DCDC1: variants seen among roughly 807,000 people sequenced by gnomAD.
The protein encoded by DCDC1 is doublecortin domain containing 1.
DCDC1 carries 200 observed loss-of-function variants against 178.3 expected under a neutral mutation model. The observed-to-expected ratio is 1.12, with a 90% CI of 1.00 to 1.26. DCDC1 has a LOEUF of 1.26. Ranked by LOEUF, DCDC1 falls within the 50% of genes most tolerant of loss-of-function variation. The probability of loss-of-function intolerance (pLI) is 0.00; values close to 1 mark genes in which losing one functional copy is unlikely to be tolerated. For synonymous variants in DCDC1, 690 were observed against 604.8 expected, an observed-to-expected ratio of 1.14 and a Z score of -2.07; for missense variants, 1,983 against 1,749.2, an observed-to-expected ratio of 1.13 and a Z score of -2.38.
chr11:30,878,716 TAA>T lies in DCDC1; in HGVS notation c.5234-7_5234-6del, dbSNP rs5790842. ...TCTCCATCAGTTGTTTTAACTCTGTTAAAAAAAAAAAAAAAAGAAGTTGAGAG... is the reference window on the plus strand; with the variant it reads ...TCTCCATCAGTTGTTTTAACTCTGTTAAAAAAAAAAAAAAGAAGTTGAGAG... On this transcript the variant is annotated splice_region_variant and splice_polypyrimidine_tract_variant and intron_variant, in intron 37 of 38. Transcript: ENST00000684477. 0.11 allele frequency: 151,231 copies of T among 1,325,020 alleles called. 74 individuals are homozygous for T. Among genetic ancestry groups the T allele is most frequent in the South Asian group, 0.14 (9,450 of 67,740 alleles). 82.1% of individuals were successfully genotyped at this position (1,325,020 alleles called of 1,614,324 possible).
intron 20 of DCDC1, among the ~76,000 whole-genome samples, chr11:31,028,462 TC>T (rs1460960025): frequency 6.6e-6 from 1 of 151,998 alleles, no homozygotes; most frequent in Non-Finnish European, 1.5e-5. Flanking sequence ...TGATGCCCTG[TC>T]CATCTTTTTT....
At chr11:31,160,286 T>A (rs1966185112) in intron 9 of DCDC1, among the ~76,000 whole-genome samples, 1 of 152,322 alleles carries the variant, frequency 6.6e-6, no homozygotes, top group East Asian at 1.9e-4. Flanking sequence ...ATGATACTCA[T>A]CACACATTCG....
chr11:31,137,742 T>C lies in DCDC1; in HGVS notation c.1264A>G (p.Lys422Glu). The change falls in exon 10 of 39, where the codon AAA (lysine) becomes GAA (glutamate). Residue 422 changes from lysine (K) to glutamate (E), a missense_variant. By Grantham distance (56) the Lys-to-Glu change is moderately conservative. Transcript: ENST00000684477. Reference protein sequence around the residue: ...MNEQKEKITEKVILSMTAKEH... With the variant: ...MNEQKEKITEEVILSMTAKEH... ...TTTGCCGTCATTGAAAGAATGACTTTTTCTGTAATTTTCTCCTTCTGTTCA... is the reference window on the plus strand; with the variant it reads ...TTTGCCGTCATTGAAAGAATGACTTCTTCTGTAATTTTCTCCTTCTGTTCA... 1.4e-6 allele frequency: 1 copy of C among 702,908 alleles called. No homozygotes were observed. Among genetic ancestry groups the C allele is most frequent in the South Asian group, 1.5e-5 (1 of 67,574 alleles). 43.5% of individuals were successfully genotyped at this position (702,908 alleles called of 1,614,324 possible).
At chr11:31,094,378 C>A (rs1485449264) in intron 15 of DCDC1, among the ~76,000 whole-genome samples, 194 bp from the exon 16 acceptor site, 1 of 152,122 alleles carries the variant, frequency 6.6e-6, no homozygotes, top group South Asian at 2.1e-4. Flanking sequence ...ATGCAAGACC[C>A]TATGCTGTGT....
chr11:31,055,461 A>G lies in DCDC1; in HGVS notation c.2591+9008T>C, dbSNP rs149986486. 9.5e-4 allele frequency among the ~76,000 whole-genome samples: 144 copies of G among 152,314 alleles called. 2 individuals are homozygous for G. The East Asian group carries it at 0.027, about 29-fold the overall frequency. On this transcript the variant is annotated intron_variant, in intron 20 of 38. Coordinates refer to ENST00000684477, the MANE Select transcript of DCDC1 (RefSeq NM_001387274.1). ...CAGTGTGGAGATTCCTTAAGAACTAAAAGTAGAACTACCATTTGATCCAGC... is the reference window on the plus strand; with the variant it reads ...CAGTGTGGAGATTCCTTAAGAACTAGAAGTAGAACTACCATTTGATCCAGC...
intron 7 of DCDC1, among the ~76,000 whole-genome samples, chr11:31,272,231 C>T (rs902201732): frequency 4.6e-5 from 7 of 151,788 alleles, no homozygotes; most frequent in Non-Finnish European, 8.8e-5. Context: ...CGGGAAAGAC[C>T]TGCCACCATG....
At chr11:31,101,784 A>AG (rs1347499214) in intron 15 of DCDC1, among the ~76,000 whole-genome samples, 2 of 151,780 alleles carry the variant, frequency 1.3e-5, no homozygotes, top group African/African-American at 4.8e-5. Flanking sequence ...TAGTTTAAAA[A>AG]AACTGTCACA....
At chr11:31,003,101 T>C (rs980952535) in intron 20 of DCDC1, among the ~76,000 whole-genome samples, 9 of 151,038 alleles carry the variant, frequency 6.0e-5, no homozygotes, top group Admixed American at 5.3e-4. Context: ...TATATATATA[T>C]ATATAATCTA....
At chr11:31,213,703 G>A (rs796626956) in intron 9 of DCDC1, among the ~76,000 whole-genome samples, 3 of 150,474 alleles carry the variant, frequency 2.0e-5, no homozygotes, top group Non-Finnish European at 2.9e-5. Context: ...TTGGGTGACA[G>A]AGCATGACTC....
chr11:30,956,963 C>T (rs569360850), intron 20 of DCDC1, among the ~76,000 whole-genome samples: 1 of 152,116 alleles, frequency 6.6e-6, no homozygotes, highest in African/African-American at 2.4e-5. Flanking sequence ...CTGCTGGAGC[C>T]CTTCTTATTT....
rs185113588 is a variant in DCDC1 at position 31,012,160 on chromosome 11, T to C, written c.2591+52309A>G. ...GAGGTCTCCCCAACCATGCTTCCCA[T>C]ACAGCCTGCAGAACCGTAAGCGAAT... On this transcript the variant is annotated intron_variant, in intron 20 of 38. Coordinates refer to ENST00000684477, the MANE Select transcript of DCDC1 (RefSeq NM_001387274.1). 4.5e-4 allele frequency among the ~76,000 whole-genome samples: 69 copies of C among 152,308 alleles called. 1 individual carries two copies. In the South Asian group the frequency reaches 5.2e-3, roughly 11 times the overall value.
intron 9 of DCDC1, among the ~76,000 whole-genome samples, chr11:31,146,386 C>T (rs1259587107): frequency 6.6e-6 from 1 of 152,098 alleles, no homozygotes; most frequent in African/African-American, 2.4e-5. Context: ...ATGCCCAGCC[C>T]TAGTCATTTA....
intron 20 of DCDC1, among the ~76,000 whole-genome samples, chr11:30,991,033 T>C (rs189231530): frequency 1.6e-4 from 25 of 152,268 alleles, no homozygotes; most frequent in Non-Finnish European, 3.2e-4. Flanking sequence ...AGCTGTAATA[T>C]TGCTGGCATA....
In DCDC1 at chr11:31,307,678, T is replaced by G. The variant is rs1182393121; in HGVS notation, c.395A>C (p.Lys132Thr). 5 of 1,614,130 alleles carry G rather than the reference T, an allele frequency of 3.1e-6. No homozygotes were observed. Among genetic ancestry groups the G allele is most frequent in the Non-Finnish European group, 4.2e-6 (5 of 1,179,972 alleles). Residue 132 changes from lysine (K) to threonine (T), a missense_variant, in exon 4 of 39, where the codon AAG becomes ACG. Lys to Thr is a moderately conservative substitution (Grantham distance 78, BLOSUM62 -1). Coordinates refer to ENST00000684477, the MANE Select transcript of DCDC1 (RefSeq NM_001387274.1). The stretch of plus-strand genomic sequence containing the variant: ...TGGAGCACTGACAGGTCTGTTTCTC[T>G]TGGATGCTGATATAGAACAAGAATT... Reference protein sequence around the residue: ...KNNSCSISASKRNRPVSAPVG... With the variant: ...KNNSCSISASTRNRPVSAPVG...
intron 9 of DCDC1, among the ~76,000 whole-genome samples, chr11:31,195,838 T>C (rs1970631722): frequency 6.6e-6 from 1 of 152,030 alleles, no homozygotes; most frequent in South Asian, 2.1e-4. Flanking sequence ...ATAATAAATG[T>C]TACTGAAAAT....
intron 28 of DCDC1, among the ~76,000 whole-genome samples, chr11:30,910,496 C>T (rs149841644): frequency 2.0e-4 from 31 of 152,196 alleles, no homozygotes; most frequent in Admixed American, 3.3e-4. Context: ...GGATTCAGGG[C>T]CTGCAAAACA....
At chr11:31,054,119 G>C (rs183599538) in intron 20 of DCDC1, among the ~76,000 whole-genome samples, 1 of 151,650 alleles carries the variant, frequency 6.6e-6, no homozygotes, top group Non-Finnish European at 1.5e-5. Flanking sequence ...AAAGAATTCG[G>C]CAAAGTTTCC....
intron 1 of DCDC1, among the ~76,000 whole-genome samples, chr11:31,345,103 C>G (rs1425949387): frequency 1.3e-5 from 2 of 151,958 alleles, no homozygotes; most frequent in African/African-American, 4.8e-5. Context: ...AAAACCCAAT[C>G]CTGATGAAAT....
At chr11:31,107,044 CTG>C in intron 12 of DCDC1, 84 bp from the exon 13 acceptor site, 1 of 635,882 alleles carries the variant, frequency 1.6e-6, no homozygotes, top group Non-Finnish European at 2.8e-6. Context: ...TGTCTCTACT[CTG>C]TAACAAATGA....
Sources: gnomAD v4.1 joint callset for allele counts (sites outside exome capture counted in the v4.1 genomes callset) on GRCh38, gnomAD v4.1.1 for gene constraint, MANE v1.5 for transcripts, NCBI Gene and HGNC (gene_info 2026-07-23, HGNC 2026-07-21) for gene names.